Variants in PCDH15 observed in about 807,000 individuals in gnomAD.
PCDH15 encodes the protein protocadherin related 15.
PCDH15 carries 129 observed loss-of-function variants against 178.5 expected under a neutral mutation model. The ratio of observed to expected loss-of-function variants is 0.72; its 90% CI spans 0.63 to 0.84. The LOEUF (loss-of-function observed/expected upper bound fraction) is 0.84. Among genes scored for constraint, PCDH15 ranks in the 40% least tolerant of loss-of-function variants. The pLI is 0.00. For missense variants in PCDH15, 2,230 were observed against 2,099.9 expected (o/e 1.06, Z -1.21); for synonymous variants, 800 against 732.0 (o/e 1.09, Z -1.50).
At chr10:54,902,931 G>C (rs926201788) in intron 2 of PCDH15, among the ~76,000 whole-genome samples, 1 of 152,028 alleles carries the variant, frequency 6.6e-6, no homozygotes, top group African/African-American at 2.4e-5. Context: ...TCATCTCCTC[G>C]GGTTACAGGT....
intron 10 of PCDH15, among the ~76,000 whole-genome samples, chr10:54,199,606 C>T (rs920757830): frequency 1.3e-5 from 1 of 79,082 alleles, no homozygotes; most frequent in African/African-American, 5.0e-5. Context: ...ATATACTTTG[C>T]TCGTTAGTGG....
At chr10:54,389,128 A>G (rs925654212) in intron 3 of PCDH15, among the ~76,000 whole-genome samples, 1 of 142,436 alleles carries the variant, frequency 7.0e-6, no homozygotes, top group African/African-American at 2.6e-5. Flanking sequence ...CCTCACTGAC[A>G]TCCCTAATCT....
intron 18 of PCDH15, among the ~76,000 whole-genome samples, chr10:54,050,239 C>T (rs915089881): frequency 3.3e-5 from 5 of 152,218 alleles, no homozygotes; most frequent in Admixed American, 3.3e-4. Context: ...AATTTCAAAA[C>T]TCATTATTTT....
chr10:54,985,468 T>G (rs926267026), intron 2 of PCDH15, among the ~76,000 whole-genome samples: 5 of 152,144 alleles, frequency 3.3e-5, no homozygotes, highest in African/African-American at 1.2e-4. Context: ...AGTTGAAAAT[T>G]TATTTATTAC....
intron 1 of PCDH15, among the ~76,000 whole-genome samples, chr10:55,284,838 T>G (rs1842826289): frequency 6.6e-6 from 1 of 151,898 alleles, no homozygotes; most frequent in Non-Finnish European, 1.5e-5. Context: ...AATCTTGGTG[T>G]GTATTTTTAG....
chr10:54,348,618 ATGT>A (rs71461233), intron 5 of PCDH15, among the ~76,000 whole-genome samples: 42,338 of 152,042 alleles, frequency 0.28, 7,378 homozygotes, highest in Non-Finnish European at 0.4. Flanking sequence ...TGTGTACAAC[ATGT>A]TGTTTTAAAA....
At chr10:54,629,776 A>G (rs968487703) in intron 2 of PCDH15, among the ~76,000 whole-genome samples, 4 of 152,140 alleles carry the variant, frequency 2.6e-5, no homozygotes, top group Non-Finnish European at 4.4e-5. Context: ...CAAGGCATCT[A>G]AATAGGAAAA....
At chr10:55,393,176 G>A (rs1837841023) in intron 2 of PCDH15, among the ~76,000 whole-genome samples, 2 of 151,978 alleles carry the variant, frequency 1.3e-5, no homozygotes, top group African/African-American at 4.8e-5. Flanking sequence ...TCAGACTGAT[G>A]GTCCTCAAAT....
rs568462307 is a variant in PCDH15 at position 55,416,047 on chromosome 10, A to G, written c.-156+211578T>C. Among the ~76,000 whole-genome samples, 8 of 113,092 alleles carry G rather than the reference A, an allele frequency of 7.1e-5. No homozygotes were observed. The East Asian group carries it at 7.8e-4, about 11-fold the overall frequency. 74.2% of individuals were successfully genotyped at this position (113,092 alleles called of 152,430 possible). A position where few individuals can be genotyped will look rare whatever the true frequency, so the allele number is the denominator to read the frequency against. On this transcript the variant is annotated intron_variant, in intron 2 of 5. Transcript: ENST00000613346. ...GCTTTTAAGGCAAAAAAACAAACAA[A>G]CAAGCAAACAAACAAACAAACAAAC...
At chr10:55,196,203 C>T (rs1471751667) in intron 1 of PCDH15, among the ~76,000 whole-genome samples, 2 of 152,046 alleles carry the variant, frequency 1.3e-5, no homozygotes, top group Non-Finnish European at 1.5e-5. Context: ...ACCTCCTACA[C>T]AAGTTTATTC....
At position 55,081,327 on chromosome 10, in the gene PCDH15, T is replaced by C. The variant is rs192716666; in HGVS notation, c.-80+85249A>G. Among the ~76,000 whole-genome samples the C allele has an allele frequency of 1.1e-4, 16 of 152,296 alleles. No homozygotes were observed. In the East Asian group the frequency reaches 3.1e-3, roughly 29 times the overall value. On this transcript the variant is annotated intron_variant, in intron 2 of 5. Coordinates refer to the PCDH15 transcript ENST00000458638. Reference sequence around the variant, plus strand: ...ATCTGATGTCCCTAGTCAGCCAGCTTGAAACAATCTCCTCTTGTCTCTTCT... The same window carrying C: ...ATCTGATGTCCCTAGTCAGCCAGCTCGAAACAATCTCCTCTTGTCTCTTCT...
At chr10:54,666,971 A>G (rs2135454793) in intron 1 of PCDH15, among the ~76,000 whole-genome samples, 2 of 152,138 alleles carry the variant, frequency 1.3e-5, no homozygotes, top group South Asian at 4.1e-4. Context: ...CACTGCCATT[A>G]TTATGCCTCC....
chr10:55,576,407 A>G (rs951757340), intron 2 of PCDH15, among the ~76,000 whole-genome samples: 1 of 152,172 alleles, frequency 6.6e-6, no homozygotes, highest in South Asian at 2.1e-4. Context: ...CATGGGTGGC[A>G]GAGGTGAAAG....
intron 2 of PCDH15, among the ~76,000 whole-genome samples, chr10:55,018,452 C>A (rs893052607): frequency 5.9e-5 from 9 of 152,048 alleles, no homozygotes; most frequent in Non-Finnish European, 1.3e-4. Context: ...AATTGTAATA[C>A]TGTATTCTTC....
intron 1 of PCDH15, among the ~76,000 whole-genome samples, chr10:54,800,058 A>G (rs933652716): frequency 6.6e-6 from 1 of 152,098 alleles, no homozygotes; most frequent in African/African-American, 2.4e-5. Flanking sequence ...TATGACTTGG[A>G]GTTAACCTTA....
intron 3 of PCDH15, among the ~76,000 whole-genome samples, chr10:54,892,183 C>T (rs571980288): frequency 6.6e-6 from 1 of 152,164 alleles, no homozygotes; most frequent in African/African-American, 2.4e-5. Flanking sequence ...TAATGCACAG[C>T]TCGATCAATT....
intron 2 of PCDH15, among the ~76,000 whole-genome samples, chr10:55,380,356 G>T (rs1354690953): frequency 6.6e-6 from 1 of 152,150 alleles, no homozygotes; most frequent in East Asian, 1.9e-4. Context: ...GGTGATTAAT[G>T]ATACAGGGTG....
At chr10:53,900,172 C>T (rs760494288) in intron 26 of PCDH15, among the ~76,000 whole-genome samples, 6 of 150,600 alleles carry the variant, frequency 4.0e-5, no homozygotes, top group Non-Finnish European at 8.8e-5. Context: ...ATAGCATACA[C>T]TTGCATAAAC....
intron 2 of PCDH15, among the ~76,000 whole-genome samples, chr10:55,457,072 A>T (rs770237738): frequency 6.6e-6 from 1 of 152,090 alleles, no homozygotes; most frequent in Non-Finnish European, 1.5e-5. Flanking sequence ...TGAGCATACA[A>T]TGTGAAAGTA....
Sources: allele counts gnomAD v4.1 joint callset (sites outside exome capture counted in the v4.1 genomes callset), GRCh38; gene constraint gnomAD v4.1.1; transcripts MANE v1.5; gene names NCBI Gene and HGNC (gene_info 2026-07-23, HGNC 2026-07-21).